Variants in PCDH11X observed in about 807,000 individuals in gnomAD.
The protein encoded by PCDH11X is protocadherin 11 X-linked.
A neutral mutation model predicts 53.3 loss-of-function variants in PCDH11X; 18 were observed. The observed-to-expected ratio is 0.34, with a 90% CI of 0.23 to 0.50. PCDH11X has a LOEUF of 0.50. Among genes scored for constraint, PCDH11X ranks in the 20% least tolerant of loss-of-function variants. PCDH11X has a pLI of 0.98. For synonymous variants in PCDH11X, 279 were observed against 393.3 expected, an observed-to-expected ratio of 0.71 and a Z score of 3.44; for missense variants, 570 against 1,032.4, an observed-to-expected ratio of 0.55 and a Z score of 6.14.
intron 5 of PCDH11X, among the ~76,000 whole-genome samples, chrX:91,840,411 A>G (rs1474254332): frequency 1.8e-5 from 2 of 111,175 alleles, no homozygotes; most frequent in African/African-American, 6.5e-5. Flanking sequence ...CCTTGTTTCT[A>G]CCCATCCCAT....
At chrX:91,889,331 CTTT>C (rs1940372399) in intron 6 of PCDH11X, among the ~76,000 whole-genome samples, 1 of 110,799 alleles carries the variant, frequency 9.0e-6, no homozygotes, top group Non-Finnish European at 1.9e-5. Context: ...TTTTGTTTTG[CTTT>C]TTAAGACATA....
intron 1 of PCDH11X, among the ~76,000 whole-genome samples, chrX:91,782,510 C>A (rs112198431): frequency 1.1e-4 from 12 of 110,703 alleles, no homozygotes; most frequent in South Asian, 7.8e-4. Context: ...TAAAAAAAAA[C>A]CCCGTGGCTG....
At chrX:91,850,020 A>G (rs1165008472) in intron 5 of PCDH11X, among the ~76,000 whole-genome samples, 1 of 106,536 alleles carries the variant, frequency 9.4e-6, no homozygotes, top group Non-Finnish European at 1.9e-5. Context: ...GTCCAGAATT[A>G]TTCATAGGAT....
chrX:91,980,550 C>T (rs887435519), intron 6 of PCDH11X, among the ~76,000 whole-genome samples: 42 of 111,093 alleles, frequency 3.8e-4, no homozygotes, highest in African/African-American at 1.2e-3. Flanking sequence ...AGCAATCCTC[C>T]TGCCTCAGCC....
At chrX:92,557,313 G>A (rs1284838719) in intron 10 of PCDH11X, among the ~76,000 whole-genome samples, 1 of 111,170 alleles carries the variant, frequency 9.0e-6, no homozygotes. Context: ...TCATGAAGCT[G>A]AAAATTTTCC....
intron 6 of PCDH11X, among the ~76,000 whole-genome samples, chrX:91,977,445 T>C (rs776281145): frequency 1.3e-4 from 15 of 112,070 alleles, no homozygotes; most frequent in African/African-American, 3.6e-4. Flanking sequence ...CCAAACCACA[T>C]TGACTTATAA....
intron 6 of PCDH11X, among the ~76,000 whole-genome samples, chrX:91,991,761 G>A (rs764737430): frequency 2.8e-5 from 3 of 105,890 alleles, no homozygotes; most frequent in East Asian, 3.0e-4. Context: ...GTTGACTCGC[G>A]TTTACATGCT....
chrX:92,240,235 A>G (rs2067240433), intron 7 of PCDH11X, among the ~76,000 whole-genome samples: 1 of 111,632 alleles, frequency 9.0e-6, no homozygotes, highest in African/African-American at 3.3e-5. Context: ...AGTGGTCTCC[A>G]TTTATATGCT....
intron 4 of PCDH11X, among the ~76,000 whole-genome samples, chrX:91,829,339 AC>A (rs766099693): frequency 3.7e-5 from 4 of 108,874 alleles, no homozygotes; most frequent in African/African-American, 1.4e-4. Context: ...TAATGGAAGT[AC>A]TACTTATCCT....
At chrX:92,556,697 G>A (rs1398792536) in intron 10 of PCDH11X, among the ~76,000 whole-genome samples, 1 of 109,743 alleles carries the variant, frequency 9.1e-6, no homozygotes, top group Non-Finnish European at 1.9e-5. Flanking sequence ...ATTGCAATCT[G>A]TTGGTGGACC....
chrX:92,530,173 C>T (rs1480392038), intron 10 of PCDH11X, among the ~76,000 whole-genome samples: 1 of 108,762 alleles, frequency 9.2e-6, no homozygotes, highest in Admixed American at 9.9e-5. Flanking sequence ...GTTCTTTAAA[C>T]CCCAAAGTCG....
chrX:92,576,782 AGTT>A (rs1378416003), intron 10 of PCDH11X, among the ~76,000 whole-genome samples: 8 of 108,640 alleles, frequency 7.4e-5, no homozygotes, highest in African/African-American at 2.7e-4. Flanking sequence ...ATGTCTTGAA[AGTT>A]GTTGTAGTTA....
rs1937090221 is a variant in PCDH11X, at chrX:91,831,090, A to T, written c.-44-4371A>T. 3.6e-5 allele frequency among the ~76,000 whole-genome samples: 4 copies of T among 111,841 alleles called. No homozygotes were observed. In the South Asian group the frequency reaches 1.5e-3, roughly 41 times the overall value. ...GCCTAGCTCCCTTACCTACTCAGAG[A>T]TGATAAAATGAACTTCCATTTTTGC... On this transcript the variant is annotated intron_variant, in intron 4 of 10. Coordinates refer to ENST00000682573, the MANE Select transcript of PCDH11X (RefSeq NM_032968.5).
chrX:91,854,523 G>A (rs1021544521), intron 5 of PCDH11X, among the ~76,000 whole-genome samples: 5 of 112,216 alleles, frequency 4.5e-5, no homozygotes, highest in African/African-American at 1.6e-4. Context: ...ACCCAGCAAT[G>A]GGATTGCTGG....
chrX:92,076,441 C>T (rs2063774098), intron 6 of PCDH11X, among the ~76,000 whole-genome samples: 1 of 101,686 alleles, frequency 9.8e-6, no homozygotes, highest in Non-Finnish European at 1.9e-5. Context: ...TTCAGAAATC[C>T]TTCCAGTAAG....
chrX:92,300,313 G>A (rs557416613), intron 8 of PCDH11X, among the ~76,000 whole-genome samples: 1 of 110,925 alleles, frequency 9.0e-6, no homozygotes, highest in Admixed American at 9.6e-5. Context: ...TAGATTCATC[G>A]CTGGGATACT....
At chrX:92,290,884 G>T (rs1311814409) in intron 8 of PCDH11X, among the ~76,000 whole-genome samples, 3 of 103,842 alleles carry the variant, frequency 2.9e-5, no homozygotes, top group Admixed American at 1.0e-4. Flanking sequence ...GATGAACTGA[G>T]AAACATTTAT....
chrX:92,091,864 C>G (rs139603869), intron 6 of PCDH11X, among the ~76,000 whole-genome samples: 3 of 110,577 alleles, frequency 2.7e-5, no homozygotes, highest in Non-Finnish European at 5.7e-5. Context: ...TAAAAGAGTG[C>G]CTGGCTCTTA....
chrX:92,606,207 G>A (rs1163449383), intron 10 of PCDH11X, among the ~76,000 whole-genome samples: 7 of 72,725 alleles, frequency 9.6e-5, no homozygotes, highest in African/African-American at 3.8e-4. Flanking sequence ...ACTCCAGCCT[G>A]GGCAACAAGA....
Sources: gnomAD v4.1 joint callset for allele counts (sites outside exome capture counted in the v4.1 genomes callset) on GRCh38, gnomAD v4.1.1 for gene constraint, MANE v1.5 for transcripts, NCBI Gene and HGNC (gene_info 2026-07-23, HGNC 2026-07-21) for gene names.